Variants in PLCB4 observed in about 807,000 individuals in gnomAD.
The protein encoded by PLCB4 is phospholipase C beta 4.
PLCB4 carries 77 observed loss-of-function variants against 178.8 expected under a neutral mutation model. That is an observed-to-expected ratio of 0.43 (90% CI 0.36 to 0.52). PLCB4 has a LOEUF of 0.52. Among genes scored for constraint, PLCB4 ranks in the 20% least tolerant of loss-of-function variants. The pLI is 0.00. For synonymous variants in PLCB4, 496 were observed against 490.8 expected (o/e 1.01, Z -0.14); for missense variants, 1,024 against 1,453.4 (o/e 0.70, Z 4.80).
At chr20:9,095,447 T>G (rs2090869701) in intron 1 of PLCB4, among the ~76,000 whole-genome samples, 1 of 152,222 alleles carries the variant, frequency 6.6e-6, no homozygotes, top group South Asian at 2.1e-4. Context: ...GAGACAGAAT[T>G]ACATTCTTGT....
Position 9,386,935 on chromosome 20 carries a change from C to T in PLCB4, c.1065-528C>T, listed in dbSNP as rs2037722090. ...TGGGACAGAGTCTTACTTTGTTGCC[C>T]AGGCTGGAGTGCAGTGGCATGATGT... On this transcript the variant is annotated intron_variant, in intron 14 of 39. Transcript: ENST00000378473. Among the ~76,000 whole-genome samples, 8 of 150,644 alleles carry T rather than the reference C, an allele frequency of 5.3e-5. 1 individual carries two copies. The highest frequency in any genetic ancestry group is 5.3e-4 in the Admixed American group (8 of 15,070).
chr20:9,354,189 C>T (rs1188872027), intron 7 of PLCB4, among the ~76,000 whole-genome samples: 1 of 152,162 alleles, frequency 6.6e-6, no homozygotes, highest in African/African-American at 2.4e-5. Flanking sequence ...TCAACACATG[C>T]AGTGGGGTGT....
At chr20:9,343,480 CA>C (rs2033462213) in intron 7 of PLCB4, among the ~76,000 whole-genome samples, 1 of 152,066 alleles carries the variant, frequency 6.6e-6, no homozygotes, top group African/African-American at 2.4e-5. Context: ...CTGAGTTTCT[CA>C]GGGTTGAATT....
At chr20:9,272,003 T>A (rs182208898) in intron 3 of PLCB4, among the ~76,000 whole-genome samples, 1 of 150,754 alleles carries the variant, frequency 6.6e-6, no homozygotes, top group East Asian at 2.0e-4. Flanking sequence ...CACAGCAAGA[T>A]CCTATGTCTA....
intron 14 of PLCB4, among the ~76,000 whole-genome samples, chr20:9,386,216 A>G (rs1306113583): frequency 2.0e-5 from 3 of 150,950 alleles, no homozygotes; most frequent in Non-Finnish European, 4.4e-5. Flanking sequence ...CCACGGCAGT[A>G]TAGTCCAGCC....
chr20:9,384,500 A>C, intron 14 of PLCB4, 89 bp downstream of exon 14: 2 of 889,938 alleles, frequency 2.2e-6, no homozygotes, highest in Non-Finnish European at 3.7e-6. Context: ...AATAGTAATC[A>C]GGATGAAAAG....
chr20:9,192,125 G>A (rs969781069), intron 2 of PLCB4, among the ~76,000 whole-genome samples: 5 of 152,088 alleles, frequency 3.3e-5, no homozygotes, highest in Admixed American at 1.3e-4. Flanking sequence ...GACTCAACAA[G>A]GTAATTGCAG....
intron 21 of PLCB4, among the ~76,000 whole-genome samples, chr20:9,406,234 CTG>C (rs1279578410): frequency 6.6e-6 from 1 of 152,166 alleles, no homozygotes; most frequent in Admixed American, 6.5e-5. Context: ...AGTAATGAGA[CTG>C]TGTGTGCAAG....
intron 39 of PLCB4, among the ~76,000 whole-genome samples, chr20:9,477,763 G>C (rs1033730716): frequency 6.6e-6 from 1 of 152,042 alleles, no homozygotes; most frequent in Admixed American, 6.6e-5. Flanking sequence ...GAAGCTTAAC[G>C]CCAAAATATA....
At chr20:9,116,235 A>G (rs1490339511) in intron 2 of PLCB4, among the ~76,000 whole-genome samples, 2 of 150,244 alleles carry the variant, frequency 1.3e-5, no homozygotes, top group Non-Finnish European at 3.0e-5. Flanking sequence ...AATTCCCCTC[A>G]CTCCACTCCA....
At chr20:9,471,402 A>C (rs577447174) in intron 36 of PLCB4, among the ~76,000 whole-genome samples, 1 of 152,302 alleles carries the variant, frequency 6.6e-6, no homozygotes, top group Non-Finnish European at 1.5e-5. Flanking sequence ...ACCAAGACTA[A>C]AGAAGAGAGA....
chr20:9,331,249 C>A (rs572467782), intron 4 of PLCB4, among the ~76,000 whole-genome samples: 1 of 152,138 alleles, frequency 6.6e-6, no homozygotes, highest in Non-Finnish European at 1.5e-5. Context: ...CATTTCTCTA[C>A]GTCCTAATGT....
At chr20:9,108,650 C>G (rs1232996533) in intron 2 of PLCB4, among the ~76,000 whole-genome samples, 1 of 145,886 alleles carries the variant, frequency 6.9e-6, no homozygotes, top group African/African-American at 2.5e-5. Context: ...TTTTTTTTTT[C>G]AAGAATGCCA....
intron 1 of PLCB4, among the ~76,000 whole-genome samples, chr20:9,086,988 C>G (rs987773842): frequency 6.6e-5 from 10 of 152,176 alleles, no homozygotes; most frequent in South Asian, 4.1e-4. Context: ...ATTAATATAG[C>G]CAGTTCAACA....
intron 2 of PLCB4, among the ~76,000 whole-genome samples, chr20:9,129,626 G>T (rs1023905308): frequency 6.6e-6 from 1 of 152,188 alleles, no homozygotes; most frequent in African/African-American, 2.4e-5. Context: ...TTTTTGGAGA[G>T]CAACAGTGAG....
chr20:9,304,853 CTTTT>C (rs1231992848), intron 3 of PLCB4, among the ~76,000 whole-genome samples: 2 of 147,874 alleles, frequency 1.4e-5, no homozygotes, highest in Non-Finnish European at 3.0e-5. Flanking sequence ...CCTGCGTTTT[CTTTT>C]TTATTTTCTT....
intron 7 of PLCB4, among the ~76,000 whole-genome samples, chr20:9,351,817 A>G (rs770229283): frequency 1.2e-4 from 18 of 152,266 alleles, no homozygotes; most frequent in Non-Finnish European, 2.4e-4. Flanking sequence ...TATGATTGTC[A>G]TCAAGTTGAA....
At chr20:9,272,333 C>T (rs1416487137) in intron 3 of PLCB4, among the ~76,000 whole-genome samples, 2 of 152,054 alleles carry the variant, frequency 1.3e-5, no homozygotes, top group Non-Finnish European at 2.9e-5. Flanking sequence ...CAGATCAGGG[C>T]CTTGTACCTA....
intron 1 of PLCB4, among the ~76,000 whole-genome samples, chr20:9,073,830 G>A (rs532868792): frequency 6.6e-6 from 1 of 152,254 alleles, no homozygotes; most frequent in South Asian, 2.1e-4. Flanking sequence ...CAAGGTTATA[G>A]TAAGCTGAGA....
Sources: gnomAD v4.1 joint callset for allele counts (sites outside exome capture counted in the v4.1 genomes callset) on GRCh38, gnomAD v4.1.1 for gene constraint, MANE v1.5 for transcripts, NCBI Gene and HGNC (gene_info 2026-07-23, HGNC 2026-07-21) for gene names.